FARS2: variants seen among roughly 807,000 people sequenced by gnomAD.
The protein encoded by FARS2 is phenylalanine--tRNA ligase, mitochondrial.
In FARS2, 40 loss-of-function variants were observed where a neutral mutation model predicts 46.4. That is an observed-to-expected ratio of 0.86 (90% confidence interval 0.67 to 1.12). The LOEUF (loss-of-function observed/expected upper bound fraction) is 1.12, where lower values mean the gene tolerates loss of function less well. Ranked by LOEUF, FARS2 falls within the 50% of genes most tolerant of loss-of-function variation. The pLI is 0.00. For missense variants in FARS2, 513 were observed against 567.9 expected (o/e 0.90, Z 0.98); for synonymous variants, 234 against 214.9 (o/e 1.09, Z -0.78).
At chr6:5,549,662 T>A (rs1771255556) in intron 5 of FARS2, among the ~76,000 whole-genome samples, 1 of 152,216 alleles carries the variant, frequency 6.6e-6, no homozygotes, top group African/African-American at 2.4e-5. Flanking sequence ...CTTAAAGTAA[T>A]CCTTTAATAC....
At chr6:5,341,198 TATATATATATATATATATATATATA>T (rs1561969561) in intron 1 of FARS2, among the ~76,000 whole-genome samples, 1 of 5,738 alleles carries the variant, frequency 1.7e-4, no homozygotes, top group Non-Finnish European at 3.9e-4. Context: ...GATATATATA[TATATATATATATATATATATATATA>T]TATATATATA....
chr6:5,545,606 C>T (rs1299338750), intron 5 of FARS2, among the ~76,000 whole-genome samples: 1 of 152,008 alleles, frequency 6.6e-6, no homozygotes, highest in East Asian at 1.9e-4. Flanking sequence ...CTCTGCCTCC[C>T]CTTGCCTGCC....
At chr6:5,636,174 T>C (rs930068468) in intron 6 of FARS2, among the ~76,000 whole-genome samples, 2 of 152,206 alleles carry the variant, frequency 1.3e-5, no homozygotes, top group Non-Finnish European at 2.9e-5. Flanking sequence ...AATGAAATTA[T>C]AACACTGGTT....
At chr6:5,728,298 A>G (rs985590710) in intron 6 of FARS2, among the ~76,000 whole-genome samples, 5 of 152,000 alleles carry the variant, frequency 3.3e-5, no homozygotes, top group Admixed American at 1.3e-4. Context: ...TAATGTGCTT[A>G]GAAGGGTCTT....
intron 5 of FARS2, 112 bp from the exon 6 acceptor site, chr6:5,613,057 A>G: frequency 1.2e-6 from 1 of 820,002 alleles, no homozygotes; most frequent in Non-Finnish European, 2.0e-6. Flanking sequence ...AGATGCTGAA[A>G]TGATGTTTTA....
intron 6 of FARS2, among the ~76,000 whole-genome samples, chr6:5,743,911 G>A (rs1761492249): frequency 6.6e-6 from 1 of 152,214 alleles, no homozygotes. Context: ...AATCACATAT[G>A]TGTGTGTCAC....
intron 1 of FARS2, among the ~76,000 whole-genome samples, chr6:5,334,622 A>G (rs756285787): frequency 7.9e-5 from 12 of 152,196 alleles, no homozygotes; most frequent in Non-Finnish European, 1.6e-4. Context: ...GGTGCACAGC[A>G]GTTTGCTAAT....
chr6:5,272,887 C>T (rs1056169850), intron 1 of FARS2, among the ~76,000 whole-genome samples: 1 of 152,168 alleles, frequency 6.6e-6, no homozygotes, highest in African/African-American at 2.4e-5. Flanking sequence ...TTAGCTCCGA[C>T]ATACGAGTAA....
intron 6 of FARS2, among the ~76,000 whole-genome samples, chr6:5,732,675 C>T (rs1031746932): frequency 7.9e-5 from 12 of 152,226 alleles, no homozygotes; most frequent in African/African-American, 2.7e-4. Flanking sequence ...GATCCCCGGA[C>T]ACATCAAGCT....
intron 3 of FARS2, among the ~76,000 whole-genome samples, chr6:5,406,056 T>C (rs949144368): frequency 6.6e-6 from 1 of 152,204 alleles, no homozygotes; most frequent in East Asian, 1.9e-4. Flanking sequence ...AGATATATTT[T>C]GTTTTTTTAA....
At chr6:5,405,427 G>A (rs2127719952) in intron 3 of FARS2, among the ~76,000 whole-genome samples, 1 of 149,306 alleles carries the variant, frequency 6.7e-6, no homozygotes, top group South Asian at 2.1e-4. Flanking sequence ...GGCTGATTTG[G>A]AGTATATTAT....
At chr6:5,729,148 C>T (rs1242588166) in intron 6 of FARS2, among the ~76,000 whole-genome samples, 1 of 152,176 alleles carries the variant, frequency 6.6e-6, no homozygotes, top group African/African-American at 2.4e-5. Context: ...GCATTTAGTC[C>T]CAGGTGGAAT....
intron 5 of FARS2, among the ~76,000 whole-genome samples, chr6:5,573,095 C>G (rs146291605): frequency 6.6e-6 from 1 of 152,286 alleles, no homozygotes; most frequent in African/African-American, 2.4e-5. Flanking sequence ...TCACATAGGA[C>G]TTCTATTTTC....
intron 6 of FARS2, among the ~76,000 whole-genome samples, chr6:5,635,451 C>T (rs1341821437): frequency 6.6e-6 from 1 of 152,154 alleles, no homozygotes; most frequent in Non-Finnish European, 1.5e-5. Context: ...TTGAAGATGT[C>T]ACAAGCTGGG....
At chr6:5,446,177 T>G (rs1261957457) in intron 4 of FARS2, among the ~76,000 whole-genome samples, 1 of 150,676 alleles carries the variant, frequency 6.6e-6, no homozygotes, top group Non-Finnish European at 1.5e-5. Context: ...CACTCCAGCC[T>G]GGGCGACAGA....
At chr6:5,696,655 A>G (rs1758122545) in intron 6 of FARS2, among the ~76,000 whole-genome samples, 1 of 152,242 alleles carries the variant, frequency 6.6e-6, no homozygotes, top group Non-Finnish European at 1.5e-5. Flanking sequence ...CATAGGAAAT[A>G]TCTATAAAGA....
intron 6 of FARS2, among the ~76,000 whole-genome samples, chr6:5,722,301 A>AC (rs1304388999): frequency 6.6e-6 from 1 of 152,182 alleles, no homozygotes; most frequent in Non-Finnish European, 1.5e-5. Context: ...GGTTTTGGAG[A>AC]CCCCCACAGG....
At chr6:5,616,073 G>A (rs1775466562) in intron 6 of FARS2, among the ~76,000 whole-genome samples, 1 of 149,170 alleles carries the variant, frequency 6.7e-6, no homozygotes, top group African/African-American at 2.5e-5. Flanking sequence ...TGTTTTTGCT[G>A]GAGTTTTCTG....
At chr6:5,297,662 TAAAA>T (rs5873971) in intron 1 of FARS2, among the ~76,000 whole-genome samples, 1 of 151,176 alleles carries the variant, frequency 6.6e-6, no homozygotes, top group Non-Finnish European at 1.5e-5. Flanking sequence ...AGCAAAAAAA[TAAAA>T]AAAAACCCAA....
Sources: allele counts gnomAD v4.1 joint callset (sites outside exome capture counted in the v4.1 genomes callset), GRCh38; gene constraint gnomAD v4.1.1; transcripts MANE v1.5; gene names NCBI Gene and HGNC (gene_info 2026-07-23, HGNC 2026-07-21).